TBC1D14: variants seen among roughly 807,000 people sequenced by gnomAD.
The protein encoded by TBC1D14 is TBC1 domain family member 14.
In TBC1D14, 26 loss-of-function variants were observed where a neutral mutation model predicts 79.0. That is an observed-to-expected ratio of 0.33 (90% CI 0.24 to 0.46). The LOEUF (loss-of-function observed/expected upper bound fraction) is 0.46, where lower values mean the gene tolerates loss of function less well. TBC1D14 is among the 20% of genes least tolerant of loss of function. TBC1D14 has a pLI of 1.00. For missense variants in TBC1D14, 769 were observed against 887.6 expected, an observed-to-expected ratio of 0.87 and a Z score of 1.70; for synonymous variants, 394 against 349.9, an observed-to-expected ratio of 1.13 and a Z score of -1.40.
At chr4:6,996,548 A>AG in intron 5 of TBC1D14, 141 bp downstream of exon 5, 1 of 659,978 alleles carries the variant, frequency 1.5e-6, no homozygotes. Flanking sequence ...AAAAAAAAAA[A>AG]AGATGCATGC....
chr4:6,959,663 T>C (rs1715000434), intron 2 of TBC1D14, among the ~76,000 whole-genome samples: 1 of 152,228 alleles, frequency 6.6e-6, no homozygotes, highest in African/African-American at 2.4e-5. Context: ...TTTTGAGGCA[T>C]AGTAGGCATG....
intron 2 of TBC1D14, among the ~76,000 whole-genome samples, chr4:6,959,397 G>A (rs924311130): frequency 2.0e-5 from 3 of 152,188 alleles, no homozygotes; most frequent in Non-Finnish European, 4.4e-5. Flanking sequence ...AAGAGATAAA[G>A]TCAAGGGCAG....
At chr4:6,957,667 G>C (rs1173115232) in intron 2 of TBC1D14, among the ~76,000 whole-genome samples, 3 of 152,182 alleles carry the variant, frequency 2.0e-5, no homozygotes, top group Non-Finnish European at 4.4e-5. Context: ...GAAAGTTAGA[G>C]GGAGAAGGCC....
chr4:6,915,883 G>T (rs1277469558), intron 1 of TBC1D14, among the ~76,000 whole-genome samples: 1 of 151,902 alleles, frequency 6.6e-6, no homozygotes, highest in Non-Finnish European at 1.5e-5. Context: ...GGCAGGCCGA[G>T]GTGGGCAGAT....
chr4:6,987,379 C>G, intron 3 of TBC1D14: 1 of 1,413,586 alleles, frequency 7.1e-7, no homozygotes, highest in Non-Finnish European at 9.3e-7. Flanking sequence ...GGTGCCTCTC[C>G]CTGCGCCCCA....
At chr4:6,969,712 G>T (rs1716056443) in intron 3 of TBC1D14, among the ~76,000 whole-genome samples, 2 of 146,848 alleles carry the variant, frequency 1.4e-5, no homozygotes, top group Admixed American at 1.4e-4. Context: ...GCCCGACCCT[G>T]TTTTTTTTTT....
intron 3 of TBC1D14, among the ~76,000 whole-genome samples, chr4:6,979,447 GAGACC>G: frequency 6.6e-6 from 1 of 152,124 alleles, no homozygotes; most frequent in Non-Finnish European, 1.5e-5. Flanking sequence ...TAAGCATAGT[GAGACC>G]CTGTCTCTAT....
chr4:6,930,847 CTTTG>C (rs1469959540), intron 2 of TBC1D14, among the ~76,000 whole-genome samples: 1 of 150,646 alleles, frequency 6.6e-6, no homozygotes, highest in Non-Finnish European at 1.5e-5. Context: ...GGAAACTGGC[CTTTG>C]TTTAAGTGTT....
intron 2 of TBC1D14, among the ~76,000 whole-genome samples, chr4:6,946,095 T>A (rs1047640962): frequency 2.6e-5 from 4 of 152,194 alleles, no homozygotes; most frequent in African/African-American, 9.7e-5. Context: ...GGCAAGGTTC[T>A]GTCTCTGAAT....
At chr4:6,942,142 AATTAAAAC>A (rs1421083469) in intron 2 of TBC1D14, among the ~76,000 whole-genome samples, 1 of 152,264 alleles carries the variant, frequency 6.6e-6, no homozygotes, top group Non-Finnish European at 1.5e-5. Flanking sequence ...ATAATGCAGT[AATTAAAAC>A]GGTTTCCTCC....
At chr4:6,949,803 A>T (rs747963299) in intron 2 of TBC1D14, among the ~76,000 whole-genome samples, 2 of 151,172 alleles carry the variant, frequency 1.3e-5, no homozygotes, top group Non-Finnish European at 2.9e-5. Context: ...CTTTCATTAA[A>T]TTTATTCCTG....
intron 3 of TBC1D14, among the ~76,000 whole-genome samples, chr4:6,971,168 C>T (rs1404090930): frequency 6.6e-6 from 1 of 152,252 alleles, no homozygotes; most frequent in Non-Finnish European, 1.5e-5. Flanking sequence ...TTTCTGGCTT[C>T]ACCACTTTTT....
rs946112812 is a variant in TBC1D14, at chr4:7,009,861, G to C, written c.1447-16G>C. The C allele has an allele frequency of 1.2e-6, 2 of 1,614,152 alleles. No individual in the cohort carries two copies. The highest frequency in any genetic ancestry group is 1.7e-5 in the Admixed American group (1 of 60,022). ...TACTCATGCATGTGTTGTTTTTGCTGTGTTGATCCTTTTAGGGTGGTCCAT... is the reference window on the plus strand; with the variant it reads ...TACTCATGCATGTGTTGTTTTTGCTCTGTTGATCCTTTTAGGGTGGTCCAT... On this transcript the variant is annotated splice_polypyrimidine_tract_variant and intron_variant, in intron 9 of 13. Coordinates refer to ENST00000409757, the MANE Select transcript of TBC1D14 (RefSeq NM_020773.3).
intron 2 of TBC1D14, among the ~76,000 whole-genome samples, chr4:6,934,265 A>G (rs1712081063): frequency 6.6e-6 from 1 of 151,850 alleles, no homozygotes; most frequent in African/African-American, 2.4e-5. Context: ...GGAAGCAGCA[A>G]AAGCGAGAAG....
At position 7,007,848 on chromosome 4, in the gene TBC1D14, T is replaced by G. The variant is rs80160387; in HGVS notation, c.1446+1122T>G. 2.3e-3 allele frequency among the ~76,000 whole-genome samples: 351 copies of G among 152,340 alleles called. 2 individuals carry two copies. The highest frequency in any genetic ancestry group is 8.2e-3 in the African/African-American group (339 of 41,578). On this transcript the variant is annotated intron_variant, in intron 9 of 13. Coordinates refer to ENST00000409757, the MANE Select transcript of TBC1D14 (RefSeq NM_020773.3). ...CTTGGCCCTTGGAGGGGAAAGACTT[T>G]CTTCCCCCAGCCCAAAAGGCCCTTC...
At position 7,031,581 on chromosome 4, in the gene TBC1D14, T is replaced by C. The variant is rs1185567702; in HGVS notation, c.*1189T>C. The C allele has an allele frequency of 7.2e-5, 11 of 152,366 alleles. No homozygotes were observed. Among genetic ancestry groups the C allele is most frequent in the African/African-American group, 1.4e-4 (6 of 41,584 alleles). The allele number at this position is 152,366 out of a possible 1,614,324, so 9.4% of individuals were successfully genotyped here. On this transcript the variant is annotated 3_prime_UTR_variant, in exon 14 of 14. Coordinates refer to ENST00000409757, the MANE Select transcript of TBC1D14 (RefSeq NM_020773.3). ...ATTGTAGAACTTTGTGTGAGGACTT[T>C]GGTTATCCAAAATCACAGAAATGAA...
chr4:6,973,573 G>A (rs1716445427), intron 3 of TBC1D14, among the ~76,000 whole-genome samples: 1 of 152,126 alleles, frequency 6.6e-6, no homozygotes, highest in Non-Finnish European at 1.5e-5. Flanking sequence ...TGAGATTCTG[G>A]AAAGTAAACA....
At chr4:6,986,744 C>A (rs1717866926) in intron 3 of TBC1D14, among the ~76,000 whole-genome samples, 2 of 152,226 alleles carry the variant, frequency 1.3e-5, no homozygotes. Flanking sequence ...CAGCGTACCG[C>A]GCCATCTGAA....
chr4:7,024,162 G>A (rs10028487), intron 12 of TBC1D14, among the ~76,000 whole-genome samples: 195 of 152,320 alleles, frequency 1.3e-3, no homozygotes, highest in African/African-American at 4.5e-3. Context: ...CAGTGTGCGG[G>A]GTTTTCTGTG....
Sources: allele counts gnomAD v4.1 joint callset (sites outside exome capture counted in the v4.1 genomes callset), GRCh38; gene constraint gnomAD v4.1.1; transcripts MANE v1.5; gene names NCBI Gene and HGNC (gene_info 2026-07-23, HGNC 2026-07-21).